PSD3: variants seen among roughly 807,000 people sequenced by gnomAD.
PSD3 encodes the protein PH and SEC7 domain-containing protein 3.
PSD3 carries 49 observed loss-of-function variants against 105.5 expected under a neutral mutation model. The observed-to-expected ratio is 0.46, with a 90% confidence interval of 0.37 to 0.59. The LOEUF is 0.59. Among genes scored for constraint, PSD3 ranks in the 20% least tolerant of loss-of-function variants. The pLI, the probability that PSD3 is intolerant of heterozygous loss-of-function variation, is 0.00. For synonymous variants in PSD3, 557 were observed against 457.8 expected, an observed-to-expected ratio of 1.22 and a Z score of -2.77; for missense variants, 1,561 against 1,263.8, an observed-to-expected ratio of 1.24 and a Z score of -3.57.
In PSD3 at chr8:18,804,778, G is replaced by A. The variant is rs749742474; in HGVS notation, c.1755C>T (p.Ala585=). 2 of 1,614,080 alleles carry A rather than the reference G, an allele frequency of 1.2e-6. No homozygotes were observed. Among genetic ancestry groups the A allele is most frequent in the South Asian group, 1.1e-5 (1 of 91,080 alleles). Residue 585 remains alanine, a synonymous_variant, in exon 5 of 16, where the codon GCC becomes GCT. Coordinates refer to ENST00000327040, the MANE Select transcript of PSD3 (RefSeq NM_015310.4). ...GATAAAGGCGTTTGGCCAACCTTTT[G>A]GCTGCTTCCACATTGCTGCTGGTAC... ...SNGTSSNVEA[A]KRLAKRLYQL... is the part of the protein sequence containing the mutation.
chr8:18,690,782 C>T (rs948946083), intron 9 of PSD3, among the ~76,000 whole-genome samples: 1 of 152,240 alleles, frequency 6.6e-6, no homozygotes, highest in Non-Finnish European at 1.5e-5. Context: ...CACCCTTCGA[C>T]CCCAGCCTGC....
At chr8:18,950,085 T>A (rs1041726277) in intron 1 of PSD3, among the ~76,000 whole-genome samples, 1 of 152,126 alleles carries the variant, frequency 6.6e-6, no homozygotes, top group Non-Finnish European at 1.5e-5. Flanking sequence ...ATAGCACCTA[T>A]TTAAACTATA....
intron 4 of PSD3, among the ~76,000 whole-genome samples, chr8:18,861,208 C>A (rs1816411002): frequency 6.6e-6 from 1 of 152,140 alleles, no homozygotes; most frequent in Non-Finnish European, 1.5e-5. Flanking sequence ...TCCTGGGCTC[C>A]CTGACAATCG....
chr8:18,769,096 G>C (rs574350126), intron 8 of PSD3, among the ~76,000 whole-genome samples: 9 of 143,980 alleles, frequency 6.3e-5, no homozygotes, highest in African/African-American at 9.9e-5. Context: ...GGTGTCTCAA[G>C]GTAAAAAAAT....
At position 18,563,715 on chromosome 8, in the gene PSD3, T is replaced by C. The variant is rs570253892; in HGVS notation, c.2785-7363A>G. 3.2e-3 allele frequency among the ~76,000 whole-genome samples: 491 copies of C among 152,310 alleles called. 4 individuals are homozygous for C. The highest frequency in any genetic ancestry group is 5.1e-3 in the Non-Finnish European group (350 of 68,026). ...TAAATACAGACCTCGAAGAAATGAA[T>C]TTTTAAAAATCTATCCATTCAGGAA... is the stretch of plus-strand genomic sequence containing the variant. On this transcript the variant is annotated intron_variant, in intron 14 of 15. Coordinates refer to ENST00000327040, the MANE Select transcript of PSD3 (RefSeq NM_015310.4).
At chr8:18,928,353 C>T (rs188019317) in intron 2 of PSD3, among the ~76,000 whole-genome samples, 65 of 152,318 alleles carry the variant, frequency 4.3e-4, no homozygotes, top group African/African-American at 1.4e-3. Context: ...GATTGTGAGG[C>T]CTCTCCAGCC....
intron 15 of PSD3, among the ~76,000 whole-genome samples, chr8:18,540,331 C>G (rs1462314338): frequency 6.6e-6 from 1 of 152,084 alleles, no homozygotes; most frequent in African/African-American, 2.4e-5. Flanking sequence ...ATTTGGGTGA[C>G]TTGTTTTATT....
At chr8:18,559,081 T>C (rs1801243790) in intron 14 of PSD3, among the ~76,000 whole-genome samples, 1 of 152,196 alleles carries the variant, frequency 6.6e-6, no homozygotes, top group South Asian at 2.1e-4. Flanking sequence ...TAAATGATGT[T>C]GCAACAGACA....
chr8:18,655,721 C>A, intron 9 of PSD3, 36 bp from the exon 10 acceptor site: 1 of 1,582,568 alleles, frequency 6.3e-7, no homozygotes. Flanking sequence ...ATTATTCTTT[C>A]CATTCTGTTC....
chr8:19,023,066 T>A (rs1291625118), intron 1 of PSD3, among the ~76,000 whole-genome samples: 1 of 152,164 alleles, frequency 6.6e-6, no homozygotes, highest in Non-Finnish European at 1.5e-5. Context: ...GGATATCAAG[T>A]TAATCACCTC....
At chr8:18,786,160 C>A (rs1055215344) in intron 8 of PSD3, among the ~76,000 whole-genome samples, 4 of 152,006 alleles carry the variant, frequency 2.6e-5, no homozygotes, top group African/African-American at 9.7e-5. Context: ...GTCGAGATTG[C>A]GCCACTGCAC....
chr8:19,069,957 T>C (rs1281193659), intron 1 of PSD3, among the ~76,000 whole-genome samples: 1 of 150,774 alleles, frequency 6.6e-6, no homozygotes, highest in Non-Finnish European at 1.5e-5. Context: ...TTCTTTTTTT[T>C]TTTTTTGAGA....
At chr8:19,013,509 G>A in intron 1 of PSD3, 54 bp downstream of exon 1, 2 of 1,578,464 alleles carry the variant, frequency 1.3e-6, no homozygotes. Flanking sequence ...ACCCCACGTC[G>A]AACAGCGGCG....
chr8:18,765,275 C>G (rs908447438), intron 9 of PSD3, among the ~76,000 whole-genome samples, 174 bp downstream of exon 9: 1 of 152,156 alleles, frequency 6.6e-6, no homozygotes, highest in Admixed American at 6.5e-5. Flanking sequence ...AAATTATCAA[C>G]TTAAGGTACT....
intron 1 of PSD3, among the ~76,000 whole-genome samples, chr8:19,070,462 G>A (rs1342721530): frequency 6.6e-6 from 1 of 151,200 alleles, no homozygotes; most frequent in African/African-American, 2.4e-5. Flanking sequence ...GATCACCTGA[G>A]GTCAGGAGTT....
chr8:18,929,043 C>A (rs1733556168), intron 2 of PSD3, among the ~76,000 whole-genome samples: 1 of 152,124 alleles, frequency 6.6e-6, no homozygotes, highest in African/African-American at 2.4e-5. Flanking sequence ...ATGCACAATT[C>A]TATGAACGTA....
intron 11 of PSD3, among the ~76,000 whole-genome samples, chr8:18,610,750 G>C (rs1253041489): frequency 6.6e-6 from 1 of 152,140 alleles, no homozygotes; most frequent in African/African-American, 2.4e-5. Context: ...GTGTTCCCTA[G>C]TGGGGTGCTG....
At chr8:19,067,842 C>T (rs1393515729) in intron 1 of PSD3, among the ~76,000 whole-genome samples, 1 of 152,200 alleles carries the variant, frequency 6.6e-6, no homozygotes. Flanking sequence ...TTTTTCTGGC[C>T]ACCTTGGAGG....
chr8:18,741,226 A>G (rs891104308), intron 9 of PSD3, among the ~76,000 whole-genome samples: 1 of 152,154 alleles, frequency 6.6e-6, no homozygotes, highest in African/African-American at 2.4e-5. Context: ...GACACATGTA[A>G]TCTCATTTCC....
Sources: allele counts gnomAD v4.1 joint callset (sites outside exome capture counted in the v4.1 genomes callset), GRCh38; gene constraint gnomAD v4.1.1; transcripts MANE v1.5; gene names NCBI Gene and HGNC (gene_info 2026-07-23, HGNC 2026-07-21).